Variants in GRM5 observed in about 807,000 individuals in gnomAD.
GRM5 encodes the protein glutamate metabotropic receptor 5, also known as metabotropic glutamate receptor 5.
GRM5 carries 19 observed loss-of-function variants against 83.1 expected under a neutral mutation model. The ratio of observed to expected loss-of-function variants is 0.23; its 90% confidence interval spans 0.16 to 0.34. The LOEUF (loss-of-function observed/expected upper bound fraction) is 0.34. Among genes scored for constraint, GRM5 ranks in the 10% least tolerant of loss-of-function variants. The pLI, the probability that GRM5 is intolerant of heterozygous loss-of-function variation, is 1.00. For missense variants in GRM5, 1,160 were observed against 1,588.3 expected, an observed-to-expected ratio of 0.73 and a Z score of 4.58; for synonymous variants, 675 against 633.6, an observed-to-expected ratio of 1.07 and a Z score of -0.98.
At chr11:88,803,687 G>T (rs1015333157) in intron 3 of GRM5, among the ~76,000 whole-genome samples, 6 of 152,074 alleles carry the variant, frequency 3.9e-5, no homozygotes, top group African/African-American at 1.4e-4. Flanking sequence ...TGACAAATGG[G>T]ATCTAATTAA....
chr11:88,926,185 C>G (rs1030490734), intron 2 of GRM5, among the ~76,000 whole-genome samples: 37 of 152,116 alleles, frequency 2.4e-4, no homozygotes, highest in African/African-American at 7.5e-4. Context: ...CAGATAAGGT[C>G]ACAAGCAGCA....
At position 88,851,202 on chromosome 11, in the gene GRM5, T is replaced by A. The variant is rs565937268; in HGVS notation, c.662-1047A>T. 2.9e-3 allele frequency among the ~76,000 whole-genome samples: 444 copies of A among 152,282 alleles called. 4 individuals carry two copies. Among genetic ancestry groups the A allele is most frequent in the African/African-American group, 0.01 (430 of 41,554 alleles). ...AGTGACAATTCTCCAATTTTAGATA[T>A]TTTTGGAACATTTTAAGGCTCTATA... On this transcript the variant is annotated intron_variant, in intron 2 of 9. Coordinates refer to ENST00000305447, the MANE Select transcript of GRM5 (RefSeq NM_001143831.3).
At chr11:88,705,171 G>A (rs573236339) in intron 3 of GRM5, among the ~76,000 whole-genome samples, 1 of 152,090 alleles carries the variant, frequency 6.6e-6, no homozygotes, top group Non-Finnish European at 1.5e-5. Context: ...TCTGTCCAGT[G>A]TGGGGTTGGA....
intron 2 of GRM5, among the ~76,000 whole-genome samples, chr11:88,876,700 C>G (rs1221461553): frequency 6.6e-6 from 1 of 152,026 alleles, no homozygotes; most frequent in African/African-American, 2.4e-5. Context: ...CAATATTGTT[C>G]TGTCTCTGAC....
chr11:89,023,988 G>A lies in GRM5; in HGVS notation c.661+23224C>T, dbSNP rs188297940. On this transcript the variant is annotated intron_variant, in intron 2 of 9. Transcript: ENST00000305447. ...TGCCTGTAATCCCAGCACTTTGAGA[G>A]ATGGATCACCTGAAGTCAGGAATTC... Among the ~76,000 whole-genome samples, 484 of 152,260 alleles carry A rather than the reference G, an allele frequency of 3.2e-3. 2 individuals carry two copies. Among genetic ancestry groups the A allele is most frequent in the Non-Finnish European group, 5.6e-3 (383 of 68,022 alleles).
chr11:88,575,272 G>C (rs1031144927), intron 7 of GRM5, among the ~76,000 whole-genome samples: 5 of 152,026 alleles, frequency 3.3e-5, no homozygotes, highest in African/African-American at 1.2e-4. Context: ...TGTTATTCCA[G>C]AAATTTTATG....
At chr11:88,639,465 C>T (rs1477425313) in intron 4 of GRM5, among the ~76,000 whole-genome samples, 1 of 152,036 alleles carries the variant, frequency 6.6e-6, no homozygotes, top group African/African-American at 2.4e-5. Flanking sequence ...TGAATTTTGT[C>T]TGGTTTTGCT....
At chr11:88,895,754 G>A (rs926889510) in intron 2 of GRM5, among the ~76,000 whole-genome samples, 1 of 151,880 alleles carries the variant, frequency 6.6e-6, no homozygotes, top group Non-Finnish European at 1.5e-5. Context: ...AACATTTGCT[G>A]CTTATTGACA....
chr11:88,843,369 G>T (rs1944238351), intron 3 of GRM5, among the ~76,000 whole-genome samples: 1 of 151,128 alleles, frequency 6.6e-6, no homozygotes. Flanking sequence ...TCAAATCAGG[G>T]TAATAAACGT....
chr11:88,735,815 C>G (rs1411836919), intron 3 of GRM5, among the ~76,000 whole-genome samples: 1 of 152,076 alleles, frequency 6.6e-6, no homozygotes, highest in Non-Finnish European at 1.5e-5. Flanking sequence ...GTCCTTCACA[C>G]TACTGATACA....
chr11:88,871,633 G>T (rs577870471), intron 2 of GRM5, among the ~76,000 whole-genome samples: 1 of 151,530 alleles, frequency 6.6e-6, no homozygotes, highest in South Asian at 2.1e-4. Context: ...ATATGGAAAT[G>T]AAAGAAAGGA....
At chr11:89,012,520 G>A (rs1310064525) in intron 2 of GRM5, among the ~76,000 whole-genome samples, 2 of 152,058 alleles carry the variant, frequency 1.3e-5, no homozygotes, top group Admixed American at 6.6e-5. Flanking sequence ...TGTATGATGC[G>A]TAAAAAATAT....
At chr11:88,993,494 G>A (rs1159370370) in intron 2 of GRM5, among the ~76,000 whole-genome samples, 1 of 151,996 alleles carries the variant, frequency 6.6e-6, no homozygotes, top group Non-Finnish European at 1.5e-5. Context: ...CTAAATTATA[G>A]TAGCTTTGTA....
chr11:88,698,369 C>T (rs1940949742), intron 3 of GRM5, among the ~76,000 whole-genome samples: 1 of 152,186 alleles, frequency 6.6e-6, no homozygotes, highest in Admixed American at 6.5e-5. Flanking sequence ...ATTGTTTCCT[C>T]TGCCTGAAAT....
chr11:88,923,453 A>C (rs1351233803), intron 2 of GRM5, among the ~76,000 whole-genome samples: 1 of 152,144 alleles, frequency 6.6e-6, no homozygotes, highest in African/African-American at 2.4e-5. Flanking sequence ...AAGCACAGAA[A>C]GACAAACTCA....
chr11:88,604,748 A>G lies in GRM5; in HGVS notation c.1364T>C (p.Leu455Pro). ...TGGAGAGTCTCCATTCTCATCGAAT[A>G]GGATCGTATCTCCAGAAACCCCAGT... ...NFTGVSGDTI[L>P]FDENGDSPGR... The change falls in exon 5 of 10, where the codon CTA becomes CCA. Residue 455 changes from leucine to proline, a missense_variant. By Grantham distance (98) the Leu-to-Pro change is moderately conservative. This residue lies in a region of GRM5 where 132 missense variants were observed against 197.6 expected (regional missense o/e 0.67). Transcript: ENST00000305447. The G allele has an allele frequency of 6.2e-7, 1 of 1,612,456 alleles. No individual in the cohort carries two copies.
chr11:88,518,105 A>C (rs1941574463), intron 9 of GRM5, among the ~76,000 whole-genome samples: 1 of 151,948 alleles, frequency 6.6e-6, no homozygotes, highest in African/African-American at 2.4e-5. Flanking sequence ...TTTCTGTATT[A>C]CATTTTTTAC....
At chr11:88,663,427 C>G (rs1939956593) in intron 3 of GRM5, among the ~76,000 whole-genome samples, 1 of 152,102 alleles carries the variant, frequency 6.6e-6, no homozygotes, top group African/African-American at 2.4e-5. Context: ...TCTTTTGTTT[C>G]TCTCATCATA....
At chr11:88,773,960 T>G (rs1942793053) in intron 3 of GRM5, among the ~76,000 whole-genome samples, 2 of 152,238 alleles carry the variant, frequency 1.3e-5, no homozygotes, top group Non-Finnish European at 2.9e-5. Context: ...CATATGAACT[T>G]TAAAGTAGTT....
Sources: gnomAD v4.1 joint callset for allele counts (sites outside exome capture counted in the v4.1 genomes callset) on GRCh38, gnomAD v4.1.1 for gene constraint, gnomAD v4.1.1 regional missense constraint, MANE v1.5 for transcripts, NCBI Gene and HGNC (gene_info 2026-07-23, HGNC 2026-07-21) for gene names.